EVX2: variants seen among roughly 807,000 people sequenced by gnomAD.
EVX2 encodes even-skipped homeobox 2.
Under a neutral mutation model 19.2 loss-of-function variants are expected in EVX2, and 10 were observed. The observed-to-expected ratio is 0.52, with a 90% CI of 0.32 to 0.89. The LOEUF is 0.89. EVX2 is among the 40% of genes least tolerant of loss of function. The pLI is 0.03. For missense variants in EVX2, 710 were observed against 694.9 expected (o/e 1.02, Z -0.24); for synonymous variants, 354 against 328.4 (o/e 1.08, Z -0.84).
Position 176,080,881 on chromosome 2 carries a change from C to A in EVX2, c.700-43G>T, listed in dbSNP as rs769032157. On this transcript the variant is annotated intron_variant, in intron 2 of 2. Coordinates refer to ENST00000308618, the MANE Select transcript of EVX2 (RefSeq NM_001080458.2). The surrounding 1 kb of genome is among the most constrained non-coding windows in gnomAD (Gnocchi z 7.0). ...CCGCAGCCTGGGTTAGGGAGCGCCC[C>A]GTGTTCCCAGCTCCTGTCCCAGGAC... The A allele has an allele frequency of 3.9e-5, 61 of 1,574,936 alleles. No individual in the cohort carries two copies. The East Asian group carries it at 1.2e-3, about 31-fold the overall frequency.
In EVX2 at chr2:176,080,944, T is replaced by G; in HGVS notation, c.700-106A>C. ...CGGACCTCTGAATGGCTTGGTCTACTTCTCTCCGACCAAGCCCAACCCCGA... is the reference window on the plus strand; with the variant it reads ...CGGACCTCTGAATGGCTTGGTCTACGTCTCTCCGACCAAGCCCAACCCCGA... On this transcript the variant is annotated intron_variant, in intron 2 of 2. Coordinates refer to ENST00000308618, the MANE Select transcript of EVX2 (RefSeq NM_001080458.2). The surrounding 1 kb of genome is among the most constrained non-coding windows in gnomAD (Gnocchi z 7.0). The G allele has an allele frequency of 7.2e-7, 1 of 1,386,128 alleles. No individual in the cohort carries two copies. The highest frequency in any genetic ancestry group is 1.4e-5 in the South Asian group (1 of 69,194). The allele number at this position is 1,386,128 out of a possible 1,614,324, so 85.9% of individuals were successfully genotyped here.
In EVX2 at chr2:176,082,913, C is replaced by G. The variant is rs552670141; in HGVS notation, c.427+437G>C. On this transcript the variant is annotated intron_variant, in intron 1 of 2. Coordinates refer to ENST00000308618, the MANE Select transcript of EVX2 (RefSeq NM_001080458.2). This position sits in a 1 kb window ranked among gnomAD's most constrained non-coding sequence, Gnocchi z 5.2. ...CTTTTCAACTCTTTCTCCCGCTGACCTAAACAGAGACGCCGGCGAGGCTTC... is the reference window on the plus strand; with the variant it reads ...CTTTTCAACTCTTTCTCCCGCTGACGTAAACAGAGACGCCGGCGAGGCTTC... 6.6e-6 allele frequency among the ~76,000 whole-genome samples: 1 copy of G among 152,346 alleles called. No individual in the cohort carries two copies. The highest frequency in any genetic ancestry group is 6.5e-5 in the Admixed American group (1 of 15,314).
Position 176,080,622 on chromosome 2 carries a change from C to T in EVX2, c.916G>A (p.Ala306Thr). The T allele has an allele frequency of 6.5e-7, 1 of 1,528,174 alleles. No individual in the cohort carries two copies. The highest frequency in any genetic ancestry group is 8.7e-7 in the Non-Finnish European group (1 of 1,150,458). The allele number at this position is 1,528,174 out of a possible 1,614,324, so 94.7% of individuals were successfully genotyped here. Residue 306 changes from alanine to threonine, a missense_variant, in exon 3 of 3, where the codon GCC becomes ACC. Ala to Thr is a moderately conservative substitution (Grantham distance 58). Transcript: ENST00000308618. The surrounding 1 kb of genome is among the most constrained non-coding windows in gnomAD (Gnocchi z 7.0). ...AAAAAASGAA[A>T]AASSPFATSI... Reference sequence around the variant, plus strand: ...GTAGCGAAGGGCGACGAAGCCGCGGCCGCCGCGCCTGAGGCTGCAGCCGCG... The same window carrying T: ...GTAGCGAAGGGCGACGAAGCCGCGGTCGCCGCGCCTGAGGCTGCAGCCGCG...
rs1277534249 is a variant in EVX2, at chr2:176,082,046, T to C, written c.699+132A>G. 3.0e-6 allele frequency: 3 copies of C among 1,012,496 alleles called. No individual in the cohort carries two copies. The highest frequency in any genetic ancestry group is 4.1e-6 in the Non-Finnish European group (3 of 725,922). 62.7% of individuals were successfully genotyped at this position (1,012,496 alleles called of 1,614,324 possible). ...CGGGAAATAAATAAGCCAATTCCTT[T>C]GGTGACTACCCCCCGCGGATTTCCA... On this transcript the variant is annotated intron_variant, in intron 2 of 2. Coordinates refer to ENST00000308618, the MANE Select transcript of EVX2 (RefSeq NM_001080458.2). The surrounding 1 kb of genome is among the most constrained non-coding windows in gnomAD (Gnocchi z 5.2).
In EVX2 at chr2:176,078,174, T is replaced by C. The variant is rs1206821364; in HGVS notation, c.*1933A>G. ...ATCCAGTGTCTTTAAAATAACAATA[T>C]GATGGCAGGACACAAATCTGAAATA... On this transcript the variant is annotated 3_prime_UTR_variant, in exon 3 of 3. Coordinates refer to ENST00000308618, the MANE Select transcript of EVX2 (RefSeq NM_001080458.2). The C allele has an allele frequency of 6.6e-6, 1 of 152,194 alleles. No individual in the cohort carries two copies. Among genetic ancestry groups the C allele is most frequent in the East Asian group, 1.9e-4 (1 of 5,192 alleles). The allele number at this position is 152,194 out of a possible 1,614,324, so 9.4% of individuals were successfully genotyped here.
At position 176,078,473 on chromosome 2, in the gene EVX2, C is replaced by T. The variant is rs1182448494; in HGVS notation, c.*1634G>A. ...AGGAGCCAAGTGGCTCTGCGGGGAG[C>T]ATTATGGAAATATCTGGGCTTGATT... On this transcript the variant is annotated 3_prime_UTR_variant, in exon 3 of 3. Transcript: ENST00000308618. 6.6e-6 allele frequency: 1 copy of T among 152,136 alleles called. No homozygotes were observed. Among genetic ancestry groups the T allele is most frequent in the East Asian group, 1.9e-4 (1 of 5,192 alleles). The allele number at this position is 152,136 out of a possible 1,614,324, so 9.4% of individuals were successfully genotyped here. A position where few individuals can be genotyped will look rare whatever the true frequency, so the allele number is the denominator to read the frequency against.
At position 176,079,759 on chromosome 2, in the gene EVX2, A is replaced by C; in HGVS notation, c.*348T>G. On this transcript the variant is annotated 3_prime_UTR_variant, in exon 3 of 3. Coordinates refer to ENST00000308618, the MANE Select transcript of EVX2 (RefSeq NM_001080458.2). This position sits in a 1 kb window ranked among gnomAD's most constrained non-coding sequence, Gnocchi z 4.4. ...TTCAGCCAAGCAACCCGGACCTGAGAGTGCACAGCCAGGACTAGCTTAGGG... is the reference window on the plus strand; with the variant it reads ...TTCAGCCAAGCAACCCGGACCTGAGCGTGCACAGCCAGGACTAGCTTAGGG... The C allele has an allele frequency of 5.4e-6, 1 of 185,290 alleles. No individual in the cohort carries two copies. Among genetic ancestry groups the C allele is most frequent in the African/African-American group, 2.3e-5 (1 of 42,896 alleles). 11.5% of individuals were successfully genotyped at this position (185,290 alleles called of 1,614,324 possible).
At position 176,081,937 on chromosome 2, in the gene EVX2, GGGGC is replaced by G. The variant is rs1430360910; in HGVS notation, c.699+237_699+240del. On this transcript the variant is annotated intron_variant, in intron 2 of 2. Coordinates refer to ENST00000308618, the MANE Select transcript of EVX2 (RefSeq NM_001080458.2). This position sits in a 1 kb window ranked among gnomAD's most constrained non-coding sequence, Gnocchi z 5.9. ...GCCAGGCGTTGGGCACAATGGAGCAGGGGCGAGTGCTTTCAGCATTGGAGTCACC... is the reference window on the plus strand; with the variant it reads ...GCCAGGCGTTGGGCACAATGGAGCAGGAGTGCTTTCAGCATTGGAGTCACC... Among the ~76,000 whole-genome samples the G allele has an allele frequency of 4.6e-5, 7 of 152,240 alleles. No homozygotes were observed. The highest frequency in any genetic ancestry group is 4.6e-4 in the Admixed American group (7 of 15,284).
rs1448815787 is a variant in EVX2, at chr2:176,083,492, G to A, written c.285C>T (p.Ala95=). The stretch of plus-strand genomic sequence containing the variant: ...GGCCCGGCTTCTTGCGGCTCTCGGC[G>A]GCGGAGGAGATTTCGGAGGAGACGG... The part of the protein sequence containing the change: ...ESTVSSEISS[A]AESRKKPGHY... Residue 95 remains alanine, a synonymous_variant, in exon 1 of 3, where the codon GCC becomes GCT. Transcript: ENST00000308618. This position sits in a 1 kb window ranked among gnomAD's most constrained non-coding sequence, Gnocchi z 4.4. The A allele has an allele frequency of 1.2e-6, 2 of 1,614,182 alleles. No homozygotes were observed. Among genetic ancestry groups the A allele is most frequent in the Admixed American group, 1.7e-5 (1 of 60,032 alleles).
Position 176,080,154 on chromosome 2 carries a change from C to T in EVX2, c.1384G>A (p.Ala462Thr). 1 of 1,544,890 alleles carries T rather than the reference C, an allele frequency of 6.5e-7. No individual in the cohort carries two copies. Among genetic ancestry groups the T allele is most frequent in the Non-Finnish European group, 8.7e-7 (1 of 1,150,346 alleles). ...TCCCTCTGGTCCGGCGGGCTCACGGCCGTCTTACTAAGCACCGCGGCCGAG... is the reference window on the plus strand; with the variant it reads ...TCCCTCTGGTCCGGCGGGCTCACGGTCGTCTTACTAAGCACCGCGGCCGAG... Reference protein sequence around the residue: ...PYSAAVLSKTAVSPPDQRDEA... With the variant: ...PYSAAVLSKTTVSPPDQRDEA... The change falls in exon 3 of 3, where the codon GCC (alanine) becomes ACC (threonine). Residue 462 changes from alanine (A) to threonine (T), a missense_variant. Ala to Thr is a moderately conservative substitution (Grantham distance 58, BLOSUM62 0). Coordinates refer to ENST00000308618, the MANE Select transcript of EVX2 (RefSeq NM_001080458.2). This position sits in a 1 kb window ranked among gnomAD's most constrained non-coding sequence, Gnocchi z 7.0.
rs774418360 is a variant in EVX2 at position 176,083,552 on chromosome 2, A to G, written c.225T>C (p.Thr75=). ...LPAKGKFEID[T]LFNLQHTGSE... is the part of the protein sequence containing the mutation. The stretch of plus-strand genomic sequence containing the variant: ...TGCCCGTGTGCTGCAGGTTGAACAA[A>G]GTGTCTATTTCGAATTTGCCCTTGG... Residue 75 remains threonine, a synonymous_variant, in exon 1 of 3, where the codon ACT becomes ACC. Coordinates refer to ENST00000308618, the MANE Select transcript of EVX2 (RefSeq NM_001080458.2). The surrounding 1 kb of genome is among the most constrained non-coding windows in gnomAD (Gnocchi z 4.4). 3 of 1,614,138 alleles carry G rather than the reference A, an allele frequency of 1.9e-6. No homozygotes were observed. The highest frequency in any genetic ancestry group is 4.5e-5 in the East Asian group (2 of 44,858).
chr2:176,080,500 A>G lies in EVX2; in HGVS notation c.1038T>C (p.Ala346=), dbSNP rs1689129080. The change falls in exon 3 of 3, where the codon GCT becomes GCC. Residue 346 remains alanine (A), a synonymous_variant. Transcript: ENST00000308618. The surrounding 1 kb of genome is among the most constrained non-coding windows in gnomAD (Gnocchi z 7.0). ...TGTTGAGCCCCGCGGCGGCCGCGGG[A>G]GCCTGGTAGAGACCAGGGTGGCGGA... ...CSFRHPGLYQ[A]PAAAAGLNSA... 3.0e-6 allele frequency: 4 copies of G among 1,336,048 alleles called. No homozygotes were observed. Among genetic ancestry groups the G allele is most frequent in the Admixed American group, 3.8e-5 (1 of 26,368 alleles). The allele number at this position is 1,336,048 out of a possible 1,614,324, so 82.8% of individuals were successfully genotyped here. A position where few individuals can be genotyped will look rare whatever the true frequency, so the allele number is the denominator to read the frequency against.
Position 176,082,377 on chromosome 2 carries a change from C to T in EVX2, c.500G>A (p.Gly167Glu). 6.2e-7 allele frequency: 1 copy of T among 1,603,872 alleles called. No individual in the cohort carries two copies. The highest frequency in any genetic ancestry group is 1.1e-5 in the South Asian group (1 of 90,730). Residue 167 changes from glycine to glutamate, a missense_variant, in exon 2 of 3, where the codon GGA (glycine) becomes GAA (glutamate). By Grantham distance (98) the Gly-to-Glu change is moderately conservative (BLOSUM62 -2). Transcript: ENST00000308618. The surrounding 1 kb of genome is among the most constrained non-coding windows in gnomAD (Gnocchi z 5.2). ...ASGSGLGSLHGGSGGSGGSAA... is the reference protein window; with the variant it reads ...ASGSGLGSLHEGSGGSGGSAA... The stretch of plus-strand genomic sequence containing the variant: ...GCTCCCGCCGCTGCCTCCGCTGCCT[C>T]CATGCAGGCTTCCGAGGCCTGAGCC...
In EVX2 at chr2:176,082,675, T is replaced by C. The variant is rs1212811167; in HGVS notation, c.428-226A>G. ...AATTAGGAGATTTCTTTTTTAATAATTAGAAATTTTCAACCAAGGAGGAAA... is the reference window on the plus strand; with the variant it reads ...AATTAGGAGATTTCTTTTTTAATAACTAGAAATTTTCAACCAAGGAGGAAA... On this transcript the variant is annotated intron_variant, in intron 1 of 2. Coordinates refer to ENST00000308618, the MANE Select transcript of EVX2 (RefSeq NM_001080458.2). This position sits in a 1 kb window ranked among gnomAD's most constrained non-coding sequence, Gnocchi z 5.2. 6.6e-6 allele frequency among the ~76,000 whole-genome samples: 1 copy of C among 152,200 alleles called. No homozygotes were observed. The highest frequency in any genetic ancestry group is 1.5e-5 in the Non-Finnish European group (1 of 68,040).
rs1215207659 is a variant in EVX2 at position 176,080,334 on chromosome 2, C to T, written c.1204G>A (p.Ala402Thr). The change falls in exon 3 of 3, where the codon GCG becomes ACG. Residue 402 changes from alanine (A) to threonine (T), a missense_variant. Coordinates refer to ENST00000308618, the MANE Select transcript of EVX2 (RefSeq NM_001080458.2). The surrounding 1 kb of genome is among the most constrained non-coding windows in gnomAD (Gnocchi z 7.0). Reference protein sequence around the residue: ...CHSSQSAAAAAAAAAAALGSR... With the variant: ...CHSSQSAAAATAAAAAALGSR... ...CCCAGGGCTGCGGCAGCTGCTGCCG[C>T]GGCTGCCGCCGCCGACTGACTGCTG... 4.7e-5 allele frequency: 60 copies of T among 1,276,026 alleles called. 1 individual carries two copies. In the East Asian group the frequency reaches 1.5e-3, roughly 32 times the overall value. 79.0% of individuals were successfully genotyped at this position (1,276,026 alleles called of 1,614,324 possible). A position where few individuals can be genotyped will look rare whatever the true frequency, so the allele number is the denominator to read the frequency against.
rs1272556239 is a variant in EVX2, at chr2:176,080,461, G to C, written c.1077C>G (p.Ala359=). The change falls in exon 3 of 3, where the codon GCC becomes GCG. Residue 359 remains alanine (A), a synonymous_variant. Transcript: ENST00000308618. The surrounding 1 kb of genome is among the most constrained non-coding windows in gnomAD (Gnocchi z 7.0). ...CCGCTGCGGCTGCCGCGGCTGCCGCGGCAGAGGCCGCGCTGTTGAGCCCCG... is the reference window on the plus strand; with the variant it reads ...CCGCTGCGGCTGCCGCGGCTGCCGCCGCAGAGGCCGCGCTGTTGAGCCCCG... ...AAAGLNSAAS[A]AAAAAAAAAA... 1.2e-5 allele frequency: 14 copies of C among 1,206,362 alleles called. No homozygotes were observed. The highest frequency in any genetic ancestry group is 1.4e-5 in the Non-Finnish European group (14 of 972,350). The allele number at this position is 1,206,362 out of a possible 1,614,324, so 74.7% of individuals were successfully genotyped here.
At position 176,083,343 on chromosome 2, in the gene EVX2, C is replaced by T. The variant is rs752105450; in HGVS notation, c.427+7G>A. Reference sequence around the variant, plus strand: ...ACTGGAGAGCGCGGTGCGGCCGGCGCGGTTACCTTTGCCATTGTTTTCCTT... The same window carrying T: ...ACTGGAGAGCGCGGTGCGGCCGGCGTGGTTACCTTTGCCATTGTTTTCCTT... On this transcript the variant is annotated splice_region_variant and intron_variant, in intron 1 of 2. Transcript: ENST00000308618. This position sits in a 1 kb window ranked among gnomAD's most constrained non-coding sequence, Gnocchi z 4.4. The T allele has an allele frequency of 6.4e-7, 1 of 1,569,550 alleles. No homozygotes were observed.
rs768422199 is a variant in EVX2 at position 176,080,153 on chromosome 2, G to A, written c.1385C>T (p.Ala462Val). 6.5e-7 allele frequency: 1 copy of A among 1,545,220 alleles called. No individual in the cohort carries two copies. The highest frequency in any genetic ancestry group is 8.7e-7 in the Non-Finnish European group (1 of 1,150,516). The change falls in exon 3 of 3, where the codon GCC becomes GTC. Residue 462 changes from alanine (A) to valine (V), a missense_variant. Coordinates refer to ENST00000308618, the MANE Select transcript of EVX2 (RefSeq NM_001080458.2). This position sits in a 1 kb window ranked among gnomAD's most constrained non-coding sequence, Gnocchi z 7.0. ...GTCCCTCTGGTCCGGCGGGCTCACG[G>A]CCGTCTTACTAAGCACCGCGGCCGA... ...PYSAAVLSKT[A>V]VSPPDQRDEA...
At position 176,080,099 on chromosome 2, in the gene EVX2, CGACGTAG is replaced by C. The variant is rs1689109124; in HGVS notation, c.*1_*7del. On this transcript the variant is annotated 3_prime_UTR_variant, in exon 3 of 3. Coordinates refer to ENST00000308618, the MANE Select transcript of EVX2 (RefSeq NM_001080458.2). This position sits in a 1 kb window ranked among gnomAD's most constrained non-coding sequence, Gnocchi z 7.0. Reference sequence around the variant, plus strand: ...GGCGGGCGCGGCCCCCTGGCGGTGGCGACGTAGTTATCTGGTGAGCGGAGCCTCGTCC... The same window carrying C: ...GGCGGGCGCGGCCCCCTGGCGGTGGCTTATCTGGTGAGCGGAGCCTCGTCC... 1.3e-6 allele frequency: 2 copies of C among 1,525,260 alleles called. No individual in the cohort carries two copies. Among genetic ancestry groups the C allele is most frequent in the African/African-American group, 2.9e-5 (2 of 70,002 alleles). The allele number at this position is 1,525,260 out of a possible 1,614,324, so 94.5% of individuals were successfully genotyped here. A position where few individuals can be genotyped will look rare whatever the true frequency, so the allele number is the denominator to read the frequency against.
Sources: gnomAD v4.1 joint callset for allele counts (sites outside exome capture counted in the v4.1 genomes callset) on GRCh38, gnomAD v4.1.1 for gene constraint, Gnocchi (gnomAD v3.1) non-coding constraint, MANE v1.5 for transcripts, NCBI Gene and HGNC (gene_info 2026-07-23, HGNC 2026-07-21) for gene names.